The following HTR1F variants were observed in gnomAD, a reference collection of about 807,000 sequenced individuals.
The protein encoded by HTR1F is 5-hydroxytryptamine (serotonin) receptor 1F, G protein-coupled.
Under a neutral mutation model 24.0 loss-of-function variants are expected in HTR1F, and 17 were observed. That is an observed-to-expected ratio of 0.71 (90% CI 0.48 to 1.06). HTR1F has a LOEUF of 1.06. Ranked by LOEUF, HTR1F falls within the 50% of genes least tolerant of loss-of-function variation. The probability of loss-of-function intolerance (pLI) is 0.00; values close to 1 mark genes in which losing one functional copy is unlikely to be tolerated. For synonymous variants in HTR1F, 186 were observed against 156.8 expected (o/e 1.19, Z -1.39); for missense variants, 391 against 427.8 (o/e 0.91, Z 0.76).
At chr3:87,849,766 AAAC>A (rs1359131895) in intron 2 of HTR1F, among the ~76,000 whole-genome samples, 11 of 151,938 alleles carry the variant, frequency 7.2e-5, no homozygotes, top group Non-Finnish European at 1.0e-4. Context: ...TTACAAGAAA[AAAC>A]AAACAACCCC....
chr3:87,981,987 C>A lies in HTR1F; in HGVS notation c.-42-8721C>A, dbSNP rs150879771. On this transcript the variant is annotated intron_variant, in intron 2 of 2. Coordinates refer to ENST00000319595, the MANE Select transcript of HTR1F (RefSeq NM_001322209.2). ...CTGGCCTGTCACCCAGGCTAGAGTT[C>A]AGTGGCAGATCTCAGCTCACTGCAA... is the stretch of plus-strand genomic sequence containing the variant. Among the ~76,000 whole-genome samples the A allele has an allele frequency of 3.3e-5, 5 of 151,638 alleles. No individual in the cohort carries two copies. The East Asian group carries it at 9.7e-4, about 29-fold the overall frequency.
At chr3:87,808,165 T>C (rs1404231364) in intron 1 of HTR1F, among the ~76,000 whole-genome samples, 1 of 152,032 alleles carries the variant, frequency 6.6e-6, no homozygotes, top group African/African-American at 2.4e-5. Flanking sequence ...TCCTCTCCAA[T>C]TTTTTGGAAT....
At chr3:87,898,802 TG>T (rs1190655642) in intron 2 of HTR1F, among the ~76,000 whole-genome samples, 1 of 152,118 alleles carries the variant, frequency 6.6e-6, no homozygotes, top group African/African-American at 2.4e-5. Flanking sequence ...CTATAAGAAA[TG>T]TTGCTTATTT....
intron 2 of HTR1F, among the ~76,000 whole-genome samples, chr3:87,895,954 G>T (rs1204696558): frequency 6.6e-6 from 1 of 152,148 alleles, no homozygotes; most frequent in Admixed American, 6.5e-5. Flanking sequence ...ATGAATTGAA[G>T]CCCTTCCAAA....
intron 2 of HTR1F, among the ~76,000 whole-genome samples, chr3:87,922,458 G>A (rs1704031019): frequency 6.6e-6 from 1 of 151,802 alleles, no homozygotes; most frequent in African/African-American, 2.4e-5. Context: ...CTCCCATTCT[G>A]CAGATTTCCT....
chr3:87,911,477 G>T (rs1451804687), intron 2 of HTR1F, among the ~76,000 whole-genome samples: 1 of 151,930 alleles, frequency 6.6e-6, no homozygotes, highest in Non-Finnish European at 1.5e-5. Context: ...GTAATAAATA[G>T]CCTATCAGGA....
intron 2 of HTR1F, among the ~76,000 whole-genome samples, chr3:87,841,208 ATTG>A (rs898799517): frequency 1.6e-4 from 25 of 151,992 alleles, no homozygotes; most frequent in African/African-American, 5.1e-4. Flanking sequence ...TTATTTATCA[ATTG>A]TTATTTGTCA....
chr3:87,828,810 CT>C (rs1704514350), intron 2 of HTR1F, among the ~76,000 whole-genome samples: 2 of 152,244 alleles, frequency 1.3e-5, no homozygotes, highest in African/African-American at 4.8e-5. Flanking sequence ...TCTATTGTTA[CT>C]TGAAAATGTA....
At chr3:87,831,876 G>C (rs78874001) in intron 2 of HTR1F, among the ~76,000 whole-genome samples, 1 of 152,074 alleles carries the variant, frequency 6.6e-6, no homozygotes, top group East Asian at 1.9e-4. Flanking sequence ...ATTTTTATGA[G>C]CCACATTGCT....
chr3:87,965,538 T>C (rs1222159383), intron 2 of HTR1F, among the ~76,000 whole-genome samples: 1 of 152,162 alleles, frequency 6.6e-6, no homozygotes, highest in Non-Finnish European at 1.5e-5. Context: ...TTTTGGACCT[T>C]CCATACAGTT....
At chr3:87,989,749 T>C (rs140108694) in intron 2 of HTR1F, among the ~76,000 whole-genome samples, 37 of 152,342 alleles carry the variant, frequency 2.4e-4, no homozygotes, top group African/African-American at 8.2e-4. Context: ...TGTGTGCTTT[T>C]GTTCCCAGAC....
intron 1 of HTR1F, among the ~76,000 whole-genome samples, chr3:87,819,209 C>T (rs1196427320): frequency 2.6e-5 from 4 of 152,170 alleles, no homozygotes; most frequent in Middle Eastern, 3.4e-3. Flanking sequence ...TGGATACTGC[C>T]ATGGTTCTAT....
rs370292787 is a variant in HTR1F at position 87,977,565 on chromosome 3, ATTTTTTTCTTTTT to A, written c.-42-13125_-42-13113del. ...AGGCACCCGCCAGCACGCCCAGCTA[ATTTTTTTCTTTTT>A]TTTTTTTCTTTTTTTTTGTATTTTT... On this transcript the variant is annotated intron_variant, in intron 2 of 2. Transcript: ENST00000319595. Among the ~76,000 whole-genome samples, 347 of 148,738 alleles carry A rather than the reference ATTTTTTTCTTTTT, an allele frequency of 2.3e-3. 2 individuals are homozygous for A. The highest frequency in any genetic ancestry group is 8.2e-3 in the African/African-American group (331 of 40,228).
At chr3:87,841,058 T>G (rs1336158875) in intron 2 of HTR1F, among the ~76,000 whole-genome samples, 1 of 151,860 alleles carries the variant, frequency 6.6e-6, no homozygotes, top group Non-Finnish European at 1.5e-5. Flanking sequence ...ATTGTTTATT[T>G]TAAAGAAAGG....
chr3:87,901,990 AT>A (rs1410302384), intron 2 of HTR1F, among the ~76,000 whole-genome samples: 1 of 152,142 alleles, frequency 6.6e-6, no homozygotes, highest in Non-Finnish European at 1.5e-5. Context: ...AATATTATAA[AT>A]ATATTAATTT....
At chr3:87,889,250 C>A (rs1191093711) in intron 2 of HTR1F, among the ~76,000 whole-genome samples, 1 of 152,090 alleles carries the variant, frequency 6.6e-6, no homozygotes, top group Non-Finnish European at 1.5e-5. Flanking sequence ...ATAAACCTCT[C>A]TTATTTATAA....
intron 2 of HTR1F, 79 bp from the exon 3 acceptor site, chr3:87,990,628 CT>C: frequency 2.9e-6 from 2 of 697,520 alleles, no homozygotes. Flanking sequence ...ATAACATACA[CT>C]TTTTAAAAAT....
intron 2 of HTR1F, among the ~76,000 whole-genome samples, chr3:87,932,019 C>G (rs557488575): frequency 2.0e-5 from 3 of 152,226 alleles, no homozygotes; most frequent in South Asian, 2.1e-4. Context: ...ATGGTAGTTT[C>G]TTTTGCTGTG....
At chr3:87,939,674 A>G (rs944079281) in intron 2 of HTR1F, among the ~76,000 whole-genome samples, 5 of 152,020 alleles carry the variant, frequency 3.3e-5, no homozygotes, top group African/African-American at 1.2e-4. Context: ...GTATTCTCGG[A>G]TAGTAGTTTG....
Sources: allele counts gnomAD v4.1 joint callset (sites outside exome capture counted in the v4.1 genomes callset), GRCh38; gene constraint gnomAD v4.1.1; transcripts MANE v1.5; gene names NCBI Gene and HGNC (gene_info 2026-07-23, HGNC 2026-07-21).